Variants in NGLY1 observed in about 807,000 individuals in gnomAD.
NGLY1 encodes peptide-N(4)-(N-acetyl-beta-glucosaminyl)asparagine amidase.
Under a neutral mutation model 84.6 loss-of-function variants are expected in NGLY1, and 68 were observed. That is an observed-to-expected ratio of 0.80 (90% CI 0.66 to 0.98). The LOEUF (loss-of-function observed/expected upper bound fraction) is 0.98, where lower values mean the gene tolerates loss of function less well. Among genes scored for constraint, NGLY1 ranks in the 50% least tolerant of loss-of-function variants. NGLY1 has a pLI of 0.00. For missense variants in NGLY1, 779 were observed against 770.2 expected, an observed-to-expected ratio of 1.01 and a Z score of -0.14; for synonymous variants, 280 against 275.2, an observed-to-expected ratio of 1.02 and a Z score of -0.17.
intron 4 of NGLY1, among the ~76,000 whole-genome samples, chr3:25,740,959 T>C (rs545502886): frequency 6.6e-6 from 1 of 151,908 alleles, no homozygotes; most frequent in Non-Finnish European, 1.5e-5. Context: ...AAACTTCGTC[T>C]CTACTAAAAA....
intron 7 of NGLY1, 107 bp from the exon 8 acceptor site, chr3:25,734,089 C>T (rs530091678): frequency 1.2e-5 from 17 of 1,452,684 alleles, no homozygotes; most frequent in Middle Eastern, 1.8e-4. Flanking sequence ...TTTTTGGAGA[C>T]GAAGTCTCGC....
chr3:25,785,135 C>CAAAAAAA, upstream of NGLY1, among the ~76,000 whole-genome samples: 1 of 76,986 alleles, frequency 1.3e-5, no homozygotes, highest in Non-Finnish European at 2.6e-5. Flanking sequence ...CCTGCTTGGA[C>CAAAAAAA]AAAAAAAAAA....
At chr3:25,768,830 C>T (rs949069073) in intron 2 of NGLY1, among the ~76,000 whole-genome samples, 13 of 151,706 alleles carry the variant, frequency 8.6e-5, no homozygotes, top group Non-Finnish European at 1.8e-4. Context: ...GCGTGAGCCA[C>T]GGCGCCTGGC....
In NGLY1 at chr3:25,751,218, G is replaced by C. The variant is rs749482225; in HGVS notation, c.538C>G (p.Gln180Glu). 8 of 1,610,310 alleles carry C rather than the reference G, an allele frequency of 5.0e-6. No individual in the cohort carries two copies. Among genetic ancestry groups the C allele is most frequent in the East Asian group, 2.2e-5 (1 of 44,682 alleles). ...AILEVLQSNI[Q>E]HVLVYENPAL... is the part of the protein sequence containing the mutation. ...GGATTTTCATAGACCAGCACATGCT[G>C]AATGTTGGACTGAAGAACTTCTAGA... Residue 180 changes from glutamine to glutamate, a missense_variant, in exon 4 of 12, where the codon CAG becomes GAG. Gln to Glu is a conservative substitution (Grantham distance 29). Transcript: ENST00000280700.
rs763452939 is a variant in NGLY1 at position 25,729,296 on chromosome 3, G to A, written c.1448C>T (p.Pro483Leu). The A allele has an allele frequency of 1.4e-6, 2 of 1,422,014 alleles. No homozygotes were observed. The highest frequency in any genetic ancestry group is 9.3e-7 in the Non-Finnish European group (1 of 1,074,374). 88.1% of individuals were successfully genotyped at this position (1,422,014 alleles called of 1,614,324 possible). The change falls in exon 10 of 12, where the codon CCC becomes CTC. Residue 483 changes from proline (P) to leucine (L), a missense_variant. Transcript: ENST00000280700. ...TTTAGAAATCTTCTCATTTTCACAG[G>A]GAATAAACAAGGTTTCTTTTCTCTT... Reference protein sequence around the residue: ...GLQRKETLFIPCENEKISKQL... With the variant: ...GLQRKETLFILCENEKISKQL...
At chr3:25,778,544 A>C (rs1708255791) in intron 2 of NGLY1, 30 bp downstream of exon 2, 1 of 1,253,172 alleles carries the variant, frequency 8.0e-7, no homozygotes, top group Admixed American at 1.9e-5. Context: ...GTGCATGAAG[A>C]GGGGAGAGGA....
Position 25,748,901 on chromosome 3 carries a change from TA to T in NGLY1, c.658+2196del, listed in dbSNP as rs552731325. 4.8e-3 allele frequency among the ~76,000 whole-genome samples: 689 copies of T among 143,982 alleles called. 5 individuals are homozygous for T. Among genetic ancestry groups the T allele is most frequent in the African/African-American group, 0.016 (611 of 39,370 alleles). The allele number at this position is 143,982 out of a possible 152,430, so 94.5% of individuals were successfully genotyped here. On this transcript the variant is annotated intron_variant, in intron 4 of 11. Transcript: ENST00000280700. ...ATTAAACTGCAAATGCGTATTCAGG[TA>T]AAAAAAAAAAGTTTTTAAAAAGAAT...
At chr3:25,744,360 T>A (rs994077678) in intron 4 of NGLY1, among the ~76,000 whole-genome samples, 5 of 152,298 alleles carry the variant, frequency 3.3e-5, no homozygotes, top group Admixed American at 3.3e-4. Flanking sequence ...GCCAAAGCTA[T>A]CAAATCATGC....
At chr3:25,784,505 C>G (rs1708560870), upstream of NGLY1, among the ~76,000 whole-genome samples, 1 of 152,156 alleles carries the variant, frequency 6.6e-6, no homozygotes, top group Non-Finnish European at 1.5e-5. Context: ...AGTCTCTTCC[C>G]CACCATGTTC....
At chr3:25,756,175 T>A (rs1245882303) in intron 3 of NGLY1, among the ~76,000 whole-genome samples, 1 of 152,176 alleles carries the variant, frequency 6.6e-6, no homozygotes, top group Non-Finnish European at 1.5e-5. Flanking sequence ...TGTTTTTGTT[T>A]CTTGGCCTTC....
At chr3:25,761,598 A>G (rs1465695594) in intron 3 of NGLY1, among the ~76,000 whole-genome samples, 1 of 152,246 alleles carries the variant, frequency 6.6e-6, no homozygotes, top group Non-Finnish European at 1.5e-5. Flanking sequence ...GAAGCCTCAC[A>G]TATTTCTGAT....
At chr3:25,725,726 T>C (rs1048468858) in intron 10 of NGLY1, among the ~76,000 whole-genome samples, 3 of 152,114 alleles carry the variant, frequency 2.0e-5, no homozygotes, top group African/African-American at 4.8e-5. Context: ...GAGGTCTGAG[T>C]TGATTGTTGT....
At chr3:25,776,162 G>A (rs779435725) in intron 2 of NGLY1, among the ~76,000 whole-genome samples, 19 of 152,180 alleles carry the variant, frequency 1.2e-4, no homozygotes, top group Non-Finnish European at 2.4e-4. Context: ...GCAAGTCTCA[G>A]TGTGGCCTGT....
intron 1 of NGLY1, among the ~76,000 whole-genome samples, chr3:25,781,653 C>T (rs1287052253): frequency 2.0e-5 from 3 of 152,144 alleles, no homozygotes; most frequent in Admixed American, 6.5e-5. Context: ...GTCAAGATCG[C>T]GCCACTGCAC....
At chr3:25,753,847 T>C (rs929761597) in intron 3 of NGLY1, among the ~76,000 whole-genome samples, 6 of 152,288 alleles carry the variant, frequency 3.9e-5, no homozygotes, top group African/African-American at 1.4e-4. Flanking sequence ...ATGGGTTAAA[T>C]GTGCATATTG....
Position 25,751,375 on chromosome 3 carries a change from T to C in NGLY1, c.493-112A>G, listed in dbSNP as rs1706743696. ...TTACAGATAGAAGGGAATGTATGGA[T>C]TCACTTAAATATAATAATTATACCC... On this transcript the variant is annotated intron_variant, in intron 3 of 11. Transcript: ENST00000280700. 9.5e-6 allele frequency: 8 copies of C among 840,562 alleles called. No individual in the cohort carries two copies. The South Asian group carries it at 1.3e-4, about 14-fold the overall frequency. 52.1% of individuals were successfully genotyped at this position (840,562 alleles called of 1,614,324 possible). A position where few individuals can be genotyped will look rare whatever the true frequency, so the allele number is the denominator to read the frequency against.
rs752889270 is a variant in NGLY1 at position 25,778,675 on chromosome 3, C to T, written c.145G>A (p.Glu49Lys). Residue 49 changes from glutamate to lysine, a missense_variant, in exon 2 of 12, where the codon GAA (glutamate) becomes AAA (lysine). Transcript: ENST00000280700. ...ADNILRNPND[E>K]KYRSIRIGNT... ...CCAATCCGGATGGATCTATATTTTT[C>T]ATCATTAGGGTTTCTGACAAAAAAC... 4 of 1,603,538 alleles carry T rather than the reference C, an allele frequency of 2.5e-6. No homozygotes were observed. The highest frequency in any genetic ancestry group is 2.6e-6 in the Non-Finnish European group (3 of 1,174,846).
In NGLY1 at chr3:25,720,163, G is replaced by C. The variant is rs1704911505; in HGVS notation, c.1640C>G (p.Ser547Cys). Residue 547 changes from serine (S) to cysteine (C), a missense_variant, in exon 11 of 12, where the codon TCT becomes TGT. Transcript: ENST00000280700. Reference sequence around the variant, plus strand: ...AAACTTCCAGGAAATATAAGCAAAAGATGATCCTTCCTTTCGGGCCAAATA... The same window carrying C: ...AAACTTCCAGGAAATATAAGCAAAACATGATCCTTCCTTTCGGGCCAAATA... ...MVYLARKEGS[S>C]FAYISWKFEC... is the part of the protein sequence containing the mutation. 2 of 1,613,714 alleles carry C rather than the reference G, an allele frequency of 1.2e-6. No homozygotes were observed. The highest frequency in any genetic ancestry group is 1.7e-6 in the Non-Finnish European group (2 of 1,179,854).
chr3:25,739,757 A>G lies in NGLY1; in HGVS notation c.701T>C (p.Leu234Ser). Residue 234 changes from leucine to serine, a missense_variant, in exon 5 of 12, where the codon TTG (leucine) becomes TCG (serine). By Grantham distance (145) the Leu-to-Ser change is moderately radical. Coordinates refer to ENST00000280700, the MANE Select transcript of NGLY1 (RefSeq NM_018297.4). Reference protein sequence around the residue: ...SDEDFLLLELLHWFKEEFFHW... With the variant: ...SDEDFLLLELSHWFKEEFFHW... ...AAAAAATTCTTCCTTAAACCAGTGC[A>G]AAAGCTCCAGCAAAAGAAAATCCTC... The G allele has an allele frequency of 6.2e-7, 1 of 1,614,140 alleles. No homozygotes were observed. The highest frequency in any genetic ancestry group is 8.5e-7 in the Non-Finnish European group (1 of 1,179,998).
Sources: allele counts gnomAD v4.1 joint callset (sites outside exome capture counted in the v4.1 genomes callset), GRCh38; gene constraint gnomAD v4.1.1; transcripts MANE v1.5; gene names NCBI Gene and HGNC (gene_info 2026-07-23, HGNC 2026-07-21).